The following ELFN1 variants were observed in gnomAD, a reference collection of about 807,000 sequenced individuals.
The protein encoded by ELFN1 is protein ELFN1.
In ELFN1, 6 loss-of-function variants were observed where a neutral mutation model predicts 7.6. The ratio of observed to expected loss-of-function variants is 0.79; its 90% CI spans 0.43 to 1.56. The LOEUF (loss-of-function observed/expected upper bound fraction) is 1.56. Ranked by LOEUF, ELFN1 falls within the 40% of genes most tolerant of loss-of-function variation. The pLI is 0.01. For synonymous variants in ELFN1, 657 were observed against 588.1 expected (o/e 1.12, Z -1.70); for missense variants, 1,169 against 1,232.2 (o/e 0.95, Z 0.77).
At chr7:1,743,965 A>G (rs1780701549) in intron 3 of ELFN1, among the ~76,000 whole-genome samples, 1 of 152,190 alleles carries the variant, frequency 6.6e-6, no homozygotes, top group Non-Finnish European at 1.5e-5. Flanking sequence ...AATGGGCTTC[A>G]GGGACCTCGA....
intron 1 of ELFN1, among the ~76,000 whole-genome samples, chr7:1,681,858 C>A (rs924401384): frequency 3.3e-5 from 5 of 152,200 alleles, no homozygotes; most frequent in African/African-American, 1.2e-4. Flanking sequence ...TGAAGTTGAA[C>A]ATCTTTTCAT....
At position 1,746,588 on chromosome 7, in the gene ELFN1, C is replaced by T. The variant is rs1166226839; in HGVS notation, c.1992C>T (p.Ala664=). ...AEAVGVHKAA[A]AEAKYIEKGS... is the part of the protein sequence containing the mutation. Reference sequence around the variant, plus strand: ...CCGTCGGGGTGCACAAGGCCGCGGCCGCCGAGGCCAAGTACATCGAGAAGG... The same window carrying T: ...CCGTCGGGGTGCACAAGGCCGCGGCTGCCGAGGCCAAGTACATCGAGAAGG... The change falls in exon 4 of 4, where the codon GCC becomes GCT. Residue 664 remains alanine, a synonymous_variant. Coordinates refer to ENST00000424383, the MANE Select transcript of ELFN1 (RefSeq NM_001128636.4). The T allele has an allele frequency of 1.2e-5, 16 of 1,345,486 alleles. No homozygotes were observed. Among genetic ancestry groups the T allele is most frequent in the Middle Eastern group, 2.1e-4 (1 of 4,736 alleles). The allele number at this position is 1,345,486 out of a possible 1,614,324, so 83.3% of individuals were successfully genotyped here. A position where few individuals can be genotyped will look rare whatever the true frequency, so the allele number is the denominator to read the frequency against.
intron 3 of ELFN1, among the ~76,000 whole-genome samples, chr7:1,732,802 CCT>C (rs1780352076): frequency 6.6e-6 from 1 of 152,192 alleles, no homozygotes; most frequent in Non-Finnish European, 1.5e-5. Flanking sequence ...TCTGCAGAAA[CCT>C]CTTTCCTGGG....
chr7:1,699,236 G>T (rs972719074), intron 2 of ELFN1, among the ~76,000 whole-genome samples: 4 of 152,146 alleles, frequency 2.6e-5, no homozygotes, highest in Non-Finnish European at 4.4e-5. Context: ...TGGGTACTGT[G>T]AGCAGTGATG....
chr7:1,679,278 C>T (rs1778930779), intron 1 of ELFN1, among the ~76,000 whole-genome samples: 1 of 149,736 alleles, frequency 6.7e-6, no homozygotes, highest in African/African-American at 2.4e-5. Flanking sequence ...CAGGGCTGGG[C>T]GGGAGGGCCA....
chr7:1,717,407 A>C (rs2128590889), intron 3 of ELFN1, among the ~76,000 whole-genome samples: 1 of 152,314 alleles, frequency 6.6e-6, no homozygotes, highest in Non-Finnish European at 1.5e-5. Flanking sequence ...AGGCTTGCTC[A>C]GCTGACACGC....
At chr7:1,717,578 T>G (rs1291403842) in intron 3 of ELFN1, among the ~76,000 whole-genome samples, 1 of 152,154 alleles carries the variant, frequency 6.6e-6, no homozygotes, top group African/African-American at 2.4e-5. Flanking sequence ...GCTGGGGATG[T>G]GGTTCATGGG....
At chr7:1,744,000 C>T (rs2128605219) in intron 3 of ELFN1, among the ~76,000 whole-genome samples, 1 of 152,308 alleles carries the variant, frequency 6.6e-6, no homozygotes, top group East Asian at 1.9e-4. Context: ...TACCTTGGAA[C>T]ATGGCCAAGC....
At chr7:1,667,514 G>C (rs1778688882), upstream of ELFN1, among the ~76,000 whole-genome samples, 1 of 152,146 alleles carries the variant, frequency 6.6e-6, no homozygotes, top group East Asian at 1.9e-4. This position sits in a 1 kb window ranked among gnomAD's most constrained non-coding sequence, Gnocchi z 8.2. Context: ...GCCTTCGCGC[G>C]CCTCGAGGGC....
rs12671926 is a variant in ELFN1, at chr7:1,725,705, G to A, written c.-294+16453G>A. 3.0e-3 allele frequency among the ~76,000 whole-genome samples: 450 copies of A among 152,296 alleles called. 14 individuals carry two copies. The East Asian group carries it at 0.074, about 25-fold the overall frequency. ...TCCTGTGTGTAACACATGTGTGCAC[G>A]TCTGTGTGTGCACGTCGGGAAAGGG... On this transcript the variant is annotated intron_variant, in intron 3 of 3. Coordinates refer to ENST00000424383, the MANE Select transcript of ELFN1 (RefSeq NM_001128636.4).
intron 2 of ELFN1, among the ~76,000 whole-genome samples, chr7:1,708,368 C>T (rs561235351): frequency 5.9e-5 from 9 of 152,316 alleles, no homozygotes; most frequent in Admixed American, 1.3e-4. Context: ...AGTGGGTGGA[C>T]GAATGACCTG....
At chr7:1,700,381 G>A (rs1347201568) in intron 2 of ELFN1, among the ~76,000 whole-genome samples, 3 of 152,222 alleles carry the variant, frequency 2.0e-5, no homozygotes, top group East Asian at 1.9e-4. Context: ...ATTCCTGATC[G>A]TAGCAACCAG....
At chr7:1,741,884 T>G (rs1339548208) in intron 3 of ELFN1, among the ~76,000 whole-genome samples, 4 of 152,092 alleles carry the variant, frequency 2.6e-5, no homozygotes, top group Admixed American at 2.0e-4. Context: ...ACACCTGCTC[T>G]GCCCAGGGCC....
At chr7:1,677,755 A>T (rs1476166036) in intron 1 of ELFN1, among the ~76,000 whole-genome samples, 1 of 152,060 alleles carries the variant, frequency 6.6e-6, no homozygotes, top group Non-Finnish European at 1.5e-5. Flanking sequence ...TAGGTTCTGT[A>T]AAATGAATTT....
In ELFN1 at chr7:1,745,304, C is replaced by A; in HGVS notation, c.708C>A (p.Arg236=). ...GCTACTACCTCCTGGGCCAGGGCCG[C>A]CGCGGCCACCGCAGCATCCTCAGCA... ...YSGYYLLGQG[R]RGHRSILSKL... is the part of the protein sequence containing the mutation. The change falls in exon 4 of 4, where the codon CGC becomes CGA. Residue 236 remains arginine, a synonymous_variant. Transcript: ENST00000424383. 1 of 1,538,662 alleles carries A rather than the reference C, an allele frequency of 6.5e-7. No homozygotes were observed.
At chr7:1,723,474 CTG>C (rs1425666776) in intron 3 of ELFN1, among the ~76,000 whole-genome samples, 2 of 152,236 alleles carry the variant, frequency 1.3e-5, no homozygotes, top group Non-Finnish European at 2.9e-5. Context: ...GGGATCCACT[CTG>C]TGCACATGGC....
intron 1 of ELFN1, among the ~76,000 whole-genome samples, chr7:1,681,337 G>T (rs575040464): frequency 6.6e-6 from 1 of 152,096 alleles, no homozygotes; most frequent in East Asian, 1.9e-4. Context: ...CCTGGAAGGA[G>T]AGTTCATCTG....
chr7:1,697,879 A>C (rs1779351720), intron 2 of ELFN1, among the ~76,000 whole-genome samples: 1 of 152,112 alleles, frequency 6.6e-6, no homozygotes, highest in Admixed American at 6.5e-5. Flanking sequence ...TGAACTCCTG[A>C]CTTCAAGTGA....
At chr7:1,719,045 C>G (rs1159697368) in intron 3 of ELFN1, among the ~76,000 whole-genome samples, 1 of 152,094 alleles carries the variant, frequency 6.6e-6, no homozygotes, top group Non-Finnish European at 1.5e-5. Context: ...GTGCCTGAAT[C>G]ACATCTGGGG....
Sources: allele counts gnomAD v4.1 joint callset (sites outside exome capture counted in the v4.1 genomes callset), GRCh38; gene constraint gnomAD v4.1.1; non-coding constraint Gnocchi (gnomAD v3.1); transcripts MANE v1.5; gene names NCBI Gene and HGNC (gene_info 2026-07-23, HGNC 2026-07-21).